Variants in PIGZ observed in about 807,000 individuals in gnomAD.
PIGZ encodes phosphatidylinositol glycan anchor biosynthesis class Z (Gwada blood group), also known as GPI alpha-1,2-mannosyltransferase 4.
A neutral mutation model predicts 16.4 loss-of-function variants in PIGZ; 16 were observed. The ratio of observed to expected loss-of-function variants is 0.97; its 90% CI spans 0.66 to 1.48. The LOEUF is 1.48. Among genes scored for constraint, PIGZ ranks in the 40% most tolerant of loss-of-function variants. The pLI is 0.00. For synonymous variants in PIGZ, 409 were observed against 338.4 expected (o/e 1.21, Z -2.29); for missense variants, 770 against 739.2 (o/e 1.04, Z -0.48).
Position 196,968,695 on chromosome 3 carries a change from C to T in PIGZ, c.-9G>A, listed in dbSNP as rs930410470. On this transcript the variant is annotated 5_prime_UTR_variant, in exon 1 of 3. Coordinates refer to ENST00000412723, the MANE Select transcript of PIGZ (RefSeq NM_025163.4). ...GCTGCGCACCGACTCACCCGCGCGG[C>T]CTCCGGGCTGCGCCTTCAGCGCTGG... 3.9e-5 allele frequency: 6 copies of T among 152,204 alleles called. No homozygotes were observed. The highest frequency in any genetic ancestry group is 1.4e-4 in the African/African-American group (6 of 41,460). 9.4% of individuals were successfully genotyped at this position (152,204 alleles called of 1,614,324 possible).
chr3:196,948,325 A>C lies in PIGZ; in HGVS notation c.572T>G (p.Leu191Arg), dbSNP rs1237245113. 1 of 1,614,140 alleles carries C rather than the reference A, an allele frequency of 6.2e-7. No individual in the cohort carries two copies. The highest frequency in any genetic ancestry group is 2.2e-5 in the East Asian group (1 of 44,866). ...EGLLFTWLLV[L>R]VSSHVTWGPT... is the part of the protein sequence containing the mutation. ...GCCCCACGTTACATGGGAGGATACCAGCACCAGCAGCCACGTGAAGAGGAG... is the reference window on the plus strand; with the variant it reads ...GCCCCACGTTACATGGGAGGATACCCGCACCAGCAGCCACGTGAAGAGGAG... Residue 191 changes from leucine to arginine, a missense_variant, in exon 3 of 3, where the codon CTG (leucine) becomes CGG (arginine). By Grantham distance (102) the Leu-to-Arg change is moderately radical (BLOSUM62 -2). Transcript: ENST00000412723.
chr3:196,949,428 G>A (rs758177485), intron 2 of PIGZ, among the ~76,000 whole-genome samples: 1 of 152,212 alleles, frequency 6.6e-6, no homozygotes, highest in Non-Finnish European at 1.5e-5. Flanking sequence ...AGACGGAAGA[G>A]GCCATTGGCT....
chr3:196,948,738 A>G, intron 2 of PIGZ, 53 bp from the exon 3 acceptor site: 3 of 1,353,836 alleles, frequency 2.2e-6, no homozygotes, highest in Non-Finnish European at 2.9e-6. Flanking sequence ...TGTAGTGGGC[A>G]AAATTCTAGG....
chr3:196,954,095 C>T (rs1050991192), intron 1 of PIGZ, among the ~76,000 whole-genome samples: 2 of 152,038 alleles, frequency 1.3e-5, no homozygotes, highest in Admixed American at 1.3e-4. Context: ...CCAGCCTGGC[C>T]AACATGGCAA....
intron 1 of PIGZ, among the ~76,000 whole-genome samples, chr3:196,961,656 G>T (rs168047): frequency 0.12 from 18,995 of 152,148 alleles, 1,327 homozygotes; most frequent in African/African-American, 0.17. Flanking sequence ...GTCCCTTGCC[G>T]CTTCTCAGGT....
Position 196,948,859 on chromosome 3 carries a change from CTTCCTTCCCT to C in PIGZ, c.212-184_212-175del, listed in dbSNP as rs1560180633. On this transcript the variant is annotated intron_variant, in intron 2 of 2. Coordinates refer to ENST00000412723, the MANE Select transcript of PIGZ (RefSeq NM_025163.4). ...CCTCCCTCTCTCCCTCCTTCTTTCC[CTTCCTTCCCT>C]TCCTTCCTTCCCTTCCTTCCCCTTC... Among the ~76,000 whole-genome samples the C allele has an allele frequency of 6.6e-4, 77 of 116,884 alleles. 4 individuals carry two copies. The highest frequency in any genetic ancestry group is 2.6e-3 in the African/African-American group (67 of 26,222). The allele number at this position is 116,884 out of a possible 152,430, so 76.7% of individuals were successfully genotyped here. A position where few individuals can be genotyped will look rare whatever the true frequency, so the allele number is the denominator to read the frequency against.
rs771947890 is a variant in PIGZ, at chr3:196,947,703, G to A, written c.1194C>T (p.Pro398=). 1 of 1,613,322 alleles carries A rather than the reference G, an allele frequency of 6.2e-7. No homozygotes were observed. Among genetic ancestry groups the A allele is most frequent in the South Asian group, 1.1e-5 (1 of 90,904 alleles). The change falls in exon 3 of 3, where the codon CCC becomes CCT. Residue 398 remains proline, a synonymous_variant. Transcript: ENST00000412723. ...EARFLIPLLV[P]LVLLCSPQTQ... Reference sequence around the variant, plus strand: ...TCTGTGGACTACAAAGCAGGACCAGGGGGACCAGGAGGGGAATCAGGAACC... The same window carrying A: ...TCTGTGGACTACAAAGCAGGACCAGAGGGACCAGGAGGGGAATCAGGAACC...
rs199521863 is a variant in PIGZ, at chr3:196,948,450, C to T, written c.447G>A (p.Pro149=). ...CGTTCCAGCGATCCGCCCCCATCGG[C>T]GGGGCCAGGTGGTACACGGCCCCGT... The part of the protein sequence containing the change: ...ALDGAVYHLA[P]PMGADRWNAL... Residue 149 remains proline (P), a synonymous_variant, in exon 3 of 3, where the codon CCG becomes CCA. Coordinates refer to ENST00000412723, the MANE Select transcript of PIGZ (RefSeq NM_025163.4). 4.2e-5 allele frequency: 67 copies of T among 1,614,046 alleles called. No individual in the cohort carries two copies. The highest frequency in any genetic ancestry group is 2.7e-4 in the East Asian group (12 of 44,868).
At position 196,949,004 on chromosome 3, in the gene PIGZ, CT is replaced by C. The variant is rs1194249960; in HGVS notation, c.212-320del. Among the ~76,000 whole-genome samples the C allele has an allele frequency of 6.8e-4, 27 of 39,960 alleles. 5 individuals carry two copies. The East Asian group carries it at 0.036, about 54-fold the overall frequency. 26.2% of individuals were successfully genotyped at this position (39,960 alleles called of 152,430 possible). A position where few individuals can be genotyped will look rare whatever the true frequency, so the allele number is the denominator to read the frequency against. ...TCCCTTCCCTTCCTTCCCTTTACTT[CT>C]CTTTCCCTCCCCTCCCTTCCCTTCC... On this transcript the variant is annotated intron_variant, in intron 2 of 2. Coordinates refer to ENST00000412723, the MANE Select transcript of PIGZ (RefSeq NM_025163.4).
At chr3:196,949,488 G>T (rs2108901270) in intron 2 of PIGZ, among the ~76,000 whole-genome samples, 1 of 152,316 alleles carries the variant, frequency 6.6e-6, no homozygotes, top group East Asian at 1.9e-4. Flanking sequence ...CCGCACCATA[G>T]GTTCCACAGC....
At chr3:196,957,201 GTA>G (rs61066034) in intron 1 of PIGZ, among the ~76,000 whole-genome samples, 10 of 142,748 alleles carry the variant, frequency 7.0e-5, no homozygotes, top group East Asian at 2.3e-4. Context: ...GTGTGTGTGT[GTA>G]TGTGTTTATC....
Position 196,947,394 on chromosome 3 carries a change from G to A in PIGZ, c.1503C>T (p.Ser501=), listed in dbSNP as rs147341137. 193 of 1,614,038 alleles carry A rather than the reference G, an allele frequency of 1.2e-4. 1 individual carries two copies. The African/African-American group carries it at 2.2e-3, about 18-fold the overall frequency. Reference sequence around the variant, plus strand: ...CTTGGCAGGCTGGTTGTCTGGTGAAGCTTTTCAGGGTTTGGCACAGGGCCC... The same window carrying A: ...CTTGGCAGGCTGGTTGTCTGGTGAAACTTTTCAGGGTTTGGCACAGGGCCC... The part of the protein sequence containing the change: ...EDWALCQTLK[S]FTRQPACQVA... Residue 501 remains serine (S), a synonymous_variant, in exon 3 of 3, where the codon AGC becomes AGT. Transcript: ENST00000412723.
Position 196,947,039 on chromosome 3 carries a change from T to C in PIGZ, c.*118A>G. 1 of 841,336 alleles carries C rather than the reference T, an allele frequency of 1.2e-6. No individual in the cohort carries two copies. Among genetic ancestry groups the C allele is most frequent in the Non-Finnish European group, 1.8e-6 (1 of 554,756 alleles). The allele number at this position is 841,336 out of a possible 1,614,324, so 52.1% of individuals were successfully genotyped here. A position where few individuals can be genotyped will look rare whatever the true frequency, so the allele number is the denominator to read the frequency against. On this transcript the variant is annotated 3_prime_UTR_variant, in exon 3 of 3. Transcript: ENST00000412723. ...CAGCCATGCCCAGGAGAGGCAGCAGTGGGAGTCATGAAGGAGGACGGGGTC... is the reference window on the plus strand; with the variant it reads ...CAGCCATGCCCAGGAGAGGCAGCAGCGGGAGTCATGAAGGAGGACGGGGTC...
In PIGZ at chr3:196,955,910, T is replaced by A. The variant is rs973639994; in HGVS notation, c.1-3879A>T. On this transcript the variant is annotated intron_variant, in intron 1 of 2. Transcript: ENST00000412723. ...GGGTTATTATTGATACATTTATTTA[T>A]ACCATCTTATTTTGTGTTTTCTTGT... is the stretch of plus-strand genomic sequence containing the variant. Among the ~76,000 whole-genome samples the A allele has an allele frequency of 9.2e-5, 14 of 152,120 alleles. No homozygotes were observed. The East Asian group carries it at 1.3e-3, about 15-fold the overall frequency.
chr3:196,955,435 T>C (rs77448519), intron 1 of PIGZ, among the ~76,000 whole-genome samples: 1 of 152,134 alleles, frequency 6.6e-6, no homozygotes, highest in African/African-American at 2.4e-5. Flanking sequence ...CTTATCATTA[T>C]ATAGTAATCT....
At position 196,947,640 on chromosome 3, in the gene PIGZ, G is replaced by C. The variant is rs1560177538; in HGVS notation, c.1257C>G (p.Phe419Leu). Residue 419 changes from phenylalanine (F) to leucine (L), a missense_variant, in exon 3 of 3, where the codon TTC becomes TTG. Phe to Leu is a conservative substitution (Grantham distance 22). Coordinates refer to ENST00000412723, the MANE Select transcript of PIGZ (RefSeq NM_025163.4). ...PVPWKGTVVL[F>L]NALGALLFGC... ...CGAAGAGGAGGGCACCGAGGGCGTTGAAGAGGACCACAGTGCCCTTCCAAG... is the reference window on the plus strand; with the variant it reads ...CGAAGAGGAGGGCACCGAGGGCGTTCAAGAGGACCACAGTGCCCTTCCAAG... 6.2e-7 allele frequency: 1 copy of C among 1,612,430 alleles called. No individual in the cohort carries two copies. Among genetic ancestry groups the C allele is most frequent in the Non-Finnish European group, 8.5e-7 (1 of 1,179,012 alleles).
Position 196,947,831 on chromosome 3 carries a change from C to A in PIGZ, c.1066G>T (p.Ala356Ser). 1 of 1,611,400 alleles carries A rather than the reference C, an allele frequency of 6.2e-7. No individual in the cohort carries two copies. Among genetic ancestry groups the A allele is most frequent in the South Asian group, 1.1e-5 (1 of 90,918 alleles). Residue 356 changes from alanine (A) to serine (S), a missense_variant, in exon 3 of 3, where the codon GCA (alanine) becomes TCA (serine). Physicochemically the swap from Ala to Ser is moderately conservative, Grantham distance 99 (BLOSUM62 1). Transcript: ENST00000412723. ...QASAQMGLLR[A>S]LGARSLLSSP... ...GACAGCAGGCTCCGGGCACCCAGTG[C>A]CCTCAGGAGGCCCATTTGTGCAGAG... is the stretch of plus-strand genomic sequence containing the variant.
intron 2 of PIGZ, among the ~76,000 whole-genome samples, chr3:196,949,309 G>A (rs978938074): frequency 4.6e-5 from 7 of 152,008 alleles, no homozygotes; most frequent in Non-Finnish European, 8.8e-5. Flanking sequence ...GCAGTGGGCC[G>A]GACCTAATCA....
At chr3:196,949,907 A>G (rs892030534) in intron 2 of PIGZ, among the ~76,000 whole-genome samples, 1 of 151,962 alleles carries the variant, frequency 6.6e-6, no homozygotes, top group Non-Finnish European at 1.5e-5. Context: ...TTATCAGGAG[A>G]TGGGGGGAGA....
Sources: gnomAD v4.1 joint callset for allele counts (sites outside exome capture counted in the v4.1 genomes callset) on GRCh38, gnomAD v4.1.1 for gene constraint, MANE v1.5 for transcripts, NCBI Gene and HGNC (gene_info 2026-07-23, HGNC 2026-07-21) for gene names.